PDGFC: variants seen among roughly 807,000 people sequenced by gnomAD.
The protein encoded by PDGFC is platelet-derived growth factor C.
In PDGFC, 12 loss-of-function variants were observed where a neutral mutation model predicts 35.5. The observed-to-expected ratio is 0.34, with a 90% confidence interval of 0.22 to 0.55. PDGFC has a LOEUF of 0.55. Ranked by LOEUF, PDGFC falls within the 20% of genes least tolerant of loss-of-function variation. PDGFC has a pLI of 0.91. For missense variants in PDGFC, 322 were observed against 412.4 expected (o/e 0.78, Z 1.90); for synonymous variants, 159 against 148.8 (o/e 1.07, Z -0.50).
intron 1 of PDGFC, among the ~76,000 whole-genome samples, chr4:156,883,658 G>A (rs923568913): frequency 1.3e-5 from 2 of 152,138 alleles, no homozygotes; most frequent in African/African-American, 2.4e-5. Flanking sequence ...AACTACAGCA[G>A]TCTTAGTGTG....
In PDGFC at chr4:156,824,329, C is replaced by CACAT. The variant is rs1276349226; in HGVS notation, c.315-13313_315-13312insATGT. ...ATATATATATATATATATATATATACACACACACACACACACACACATATA... is the reference window on the plus strand; with the variant it reads ...ATATATATATATATATATATATATACACATACACACACACACACACACACATATA... On this transcript the variant is annotated intron_variant, in intron 2 of 5. Transcript: ENST00000502773. Among the ~76,000 whole-genome samples the CACAT allele has an allele frequency of 6.6e-4, 52 of 79,230 alleles. 2 individuals carry two copies. The South Asian group carries it at 8.0e-3, about 12-fold the overall frequency. 52.0% of individuals were successfully genotyped at this position (79,230 alleles called of 152,430 possible).
At chr4:156,927,201 C>T (rs751694153) in intron 1 of PDGFC, among the ~76,000 whole-genome samples, 55 of 152,106 alleles carry the variant, frequency 3.6e-4, no homozygotes, top group African/African-American at 9.9e-4. Flanking sequence ...AGACGCTGGG[C>T]CTGGCCCAGG....
intron 2 of PDGFC, among the ~76,000 whole-genome samples, chr4:156,818,952 T>C (rs1380824218): frequency 1.3e-5 from 2 of 152,086 alleles, no homozygotes; most frequent in African/African-American, 2.4e-5. Context: ...CCTTGCCACA[T>C]AATAATGAAA....
At position 156,832,449 on chromosome 4, in the gene PDGFC, G is replaced by A. The variant is rs1463946060; in HGVS notation, c.314+17772C>T. 2.0e-5 allele frequency among the ~76,000 whole-genome samples: 3 copies of A among 151,766 alleles called. No homozygotes were observed. In the East Asian group the frequency reaches 5.8e-4, roughly 29 times the overall value. On this transcript the variant is annotated intron_variant, in intron 2 of 5. Transcript: ENST00000502773. ...TTTTTGTATTTTTAGTAGAGACAGG[G>A]TTTCGCCATGTTGGCCAGGCTGGCC...
chr4:156,949,019 G>A (rs1420707053), intron 1 of PDGFC, among the ~76,000 whole-genome samples: 1 of 151,864 alleles, frequency 6.6e-6, no homozygotes, highest in Non-Finnish European at 1.5e-5. Flanking sequence ...TGAGAAAGGT[G>A]AGAAAGGATT....
At chr4:156,879,934 G>A (rs1730202640) in intron 1 of PDGFC, among the ~76,000 whole-genome samples, 1 of 152,132 alleles carries the variant, frequency 6.6e-6, no homozygotes, top group Admixed American at 6.6e-5. Context: ...CTAATCCACA[G>A]AAAGCCCTTT....
At chr4:156,830,848 C>CT (rs1482313099) in intron 2 of PDGFC, among the ~76,000 whole-genome samples, 1 of 152,208 alleles carries the variant, frequency 6.6e-6, no homozygotes, top group Non-Finnish European at 1.5e-5. Context: ...ACTTGGCCCA[C>CT]TTCCACTTCT....
intron 1 of PDGFC, among the ~76,000 whole-genome samples, chr4:156,940,696 A>G (rs909232620): frequency 3.3e-5 from 5 of 152,032 alleles, no homozygotes; most frequent in Admixed American, 2.6e-4. Flanking sequence ...GTATTTTCAG[A>G]ATAATAATAA....
At chr4:156,892,017 C>G (rs531246065) in intron 1 of PDGFC, among the ~76,000 whole-genome samples, 109 of 152,268 alleles carry the variant, frequency 7.2e-4, no homozygotes, top group African/African-American at 2.5e-3. Flanking sequence ...TGTATCAAAC[C>G]AGCATTTACT....
At chr4:156,841,083 A>G (rs1729192002) in intron 2 of PDGFC, among the ~76,000 whole-genome samples, 1 of 143,818 alleles carries the variant, frequency 7.0e-6, no homozygotes, top group South Asian at 2.2e-4. Context: ...AAGAGTTAAG[A>G]TTTTGGGGGA....
intron 1 of PDGFC, among the ~76,000 whole-genome samples, chr4:156,932,986 T>A (rs1047496696): frequency 6.6e-6 from 1 of 152,078 alleles, no homozygotes; most frequent in East Asian, 1.9e-4. Context: ...AAGTTAATCA[T>A]CATCACATGG....
chr4:156,940,596 G>A (rs559024276), intron 1 of PDGFC, among the ~76,000 whole-genome samples: 4 of 152,158 alleles, frequency 2.6e-5, no homozygotes, highest in Admixed American at 6.6e-5. Flanking sequence ...TGCACTGATC[G>A]ATACCCAATG....
intron 5 of PDGFC, 39 bp from the exon 6 acceptor site, chr4:156,763,245 C>T (rs754870553): frequency 1.1e-5 from 11 of 998,882 alleles, no homozygotes; most frequent in Admixed American, 3.4e-5. Flanking sequence ...TAAAAATCAA[C>T]GAATGTCTAT....
chr4:156,941,628 T>C (rs1244100099), intron 1 of PDGFC, among the ~76,000 whole-genome samples: 2 of 152,212 alleles, frequency 1.3e-5, no homozygotes, highest in African/African-American at 2.4e-5. Flanking sequence ...ATAATGTGTT[T>C]GCTCAATGCT....
In PDGFC at chr4:156,767,847, T is replaced by A; in HGVS notation, c.847A>T (p.Asn283Tyr). The A allele has an allele frequency of 6.2e-7, 1 of 1,613,466 alleles. No individual in the cohort carries two copies. The highest frequency in any genetic ancestry group is 8.5e-7 in the Non-Finnish European group (1 of 1,179,528). The change falls in exon 5 of 6, where the codon AAC becomes TAC. Residue 283 changes from asparagine (N) to tyrosine (Y), a missense_variant. Physicochemically the swap from Asn to Tyr is moderately radical, Grantham distance 143. Transcript: ENST00000502773. The part of the protein sequence containing the change: ...GCLLVKRCGG[N>Y]CACCLHNCNE... Reference sequence around the variant, plus strand: ...CAATTGTGGAGACAACAGGCACAGTTCCCACCACAGCGTTTAACCAGGAGA... The same window carrying A: ...CAATTGTGGAGACAACAGGCACAGTACCCACCACAGCGTTTAACCAGGAGA...
chr4:156,932,565 C>T (rs1188936334), intron 1 of PDGFC, among the ~76,000 whole-genome samples: 4 of 151,910 alleles, frequency 2.6e-5, no homozygotes, highest in Admixed American at 2.0e-4. Flanking sequence ...ACTATGCAGC[C>T]ATAAAAAATG....
rs114850376 is a variant in PDGFC, at chr4:156,866,118, G to A, written c.119-15702C>T. Among the ~76,000 whole-genome samples the A allele has an allele frequency of 4.0e-3, 610 of 152,012 alleles. 3 individuals carry two copies. The highest frequency in any genetic ancestry group is 0.014 in the African/African-American group (565 of 41,460). On this transcript the variant is annotated intron_variant, in intron 1 of 5. Coordinates refer to ENST00000502773, the MANE Select transcript of PDGFC (RefSeq NM_016205.3). ...CTATCCCTCTCCACTGCCCCCACCC[G>A]AGGACAGTCCCCAGTGTGTGATGTC...
At chr4:156,781,194 T>C (rs189391595) in intron 3 of PDGFC, among the ~76,000 whole-genome samples, 148 of 152,320 alleles carry the variant, frequency 9.7e-4, no homozygotes, top group African/African-American at 3.5e-3. Context: ...TTTTCTGTGC[T>C]ACACTCCATA....
At chr4:156,927,139 C>T (rs1242659622) in intron 1 of PDGFC, among the ~76,000 whole-genome samples, 1 of 152,158 alleles carries the variant, frequency 6.6e-6, no homozygotes, top group African/African-American at 2.4e-5. Context: ...TTAGCAGTGG[C>T]CCGAGTGGCT....
Sources: gnomAD v4.1 joint callset for allele counts (sites outside exome capture counted in the v4.1 genomes callset) on GRCh38, gnomAD v4.1.1 for gene constraint, MANE v1.5 for transcripts, NCBI Gene and HGNC (gene_info 2026-07-23, HGNC 2026-07-21) for gene names.